Variants in DUOX1 observed in about 807,000 individuals in gnomAD.
DUOX1 encodes the protein dual oxidase 1.
Under a neutral mutation model 181.8 loss-of-function variants are expected in DUOX1, and 134 were observed. The observed-to-expected ratio is 0.74, with a 90% CI of 0.64 to 0.85. The LOEUF (loss-of-function observed/expected upper bound fraction) is 0.85, where lower values mean the gene tolerates loss of function less well. Among genes scored for constraint, DUOX1 ranks in the 40% least tolerant of loss-of-function variants. DUOX1 has a pLI of 0.00. For missense variants in DUOX1, 1,814 were observed against 2,064.4 expected (o/e 0.88, Z 2.35); for synonymous variants, 798 against 832.5 (o/e 0.96, Z 0.71).
chr15:45,156,142 G>C (rs1479217374), intron 28 of DUOX1, among the ~76,000 whole-genome samples: 1 of 152,188 alleles, frequency 6.6e-6, no homozygotes, highest in Non-Finnish European at 1.5e-5. Flanking sequence ...TCCCTGGCAT[G>C]GGTTTTGCAG....
rs149290661 is a variant in DUOX1, at chr15:45,141,006, G to A, written c.1501G>A (p.Val501Ile). Residue 501 changes from valine (V) to isoleucine (I), a missense_variant, in exon 13 of 34, where the codon GTC becomes ATC. Coordinates refer to ENST00000389037, the MANE Select transcript of DUOX1 (RefSeq NM_175940.3). Reference sequence around the variant, plus strand: ...CCCTGGACCTCTGTTCAGCACCATCGTCCTTGAACAATTTGTGCGGCTACG... The same window carrying A: ...CCCTGGACCTCTGTTCAGCACCATCATCCTTGAACAATTTGTGCGGCTACG... Reference protein sequence around the residue: ...RDPGPLFSTIVLEQFVRLRDG... With the variant: ...RDPGPLFSTIILEQFVRLRDG... The A allele has an allele frequency of 6.2e-6, 10 of 1,614,166 alleles. No homozygotes were observed. Among genetic ancestry groups the A allele is most frequent in the Non-Finnish European group, 7.6e-6 (9 of 1,180,024 alleles).
chr15:45,132,660 T>C (rs553949328), intron 2 of DUOX1, among the ~76,000 whole-genome samples: 2 of 152,288 alleles, frequency 1.3e-5, no homozygotes, highest in South Asian at 2.1e-4. Flanking sequence ...GAAGGATCTG[T>C]CCTGGCTGGA....
At chr15:45,159,950 G>A (rs1625045) in intron 28 of DUOX1, among the ~76,000 whole-genome samples, 11 of 152,120 alleles carry the variant, frequency 7.2e-5, no homozygotes, top group Non-Finnish European at 1.0e-4. Flanking sequence ...AGGTCAGTTC[G>A]AGACCAGCCT....
intron 31 of DUOX1, among the ~76,000 whole-genome samples, chr15:45,163,278 A>C (rs1239930785): frequency 2.0e-5 from 3 of 152,098 alleles, no homozygotes; most frequent in Non-Finnish European, 4.4e-5. Context: ...CACCCCACAG[A>C]CCATCAGCTC....
Position 45,165,230 on chromosome 15 carries a change from T to A in DUOX1, c.*329T>A, listed in dbSNP as rs1897199488. The A allele has an allele frequency of 2.6e-6, 1 of 379,884 alleles. No homozygotes were observed. 23.5% of individuals were successfully genotyped at this position (379,884 alleles called of 1,614,324 possible). On this transcript the variant is annotated 3_prime_UTR_variant, in exon 34 of 34. Coordinates refer to ENST00000389037, the MANE Select transcript of DUOX1 (RefSeq NM_175940.3). ...ACAAGCTGACCTGACAAGTACTATG[T>A]GTGTGCATGTCTGTATGTGTGTTGG...
intron 29 of DUOX1, 22 bp from the exon 30 acceptor site, chr15:45,161,716 C>T (rs758187802): frequency 6.2e-7 from 1 of 1,609,218 alleles, no homozygotes; most frequent in South Asian, 1.1e-5. Flanking sequence ...GCAGCAGCTT[C>T]TCACCCACCA....
chr15:45,153,615 G>T lies in DUOX1; in HGVS notation c.3524+136G>T, dbSNP rs1896887943. On this transcript the variant is annotated intron_variant, in intron 26 of 33. Coordinates refer to ENST00000389037, the MANE Select transcript of DUOX1 (RefSeq NM_175940.3). ...CTCCAGAGGAGACTGTCACCTTCTA[G>T]GTTACAGGACAGACAGTGACCAGCC... 1.3e-5 allele frequency: 13 copies of T among 977,444 alleles called. No homozygotes were observed. In the South Asian group the frequency reaches 1.7e-4, roughly 13 times the overall value. 60.5% of individuals were successfully genotyped at this position (977,444 alleles called of 1,614,324 possible). A position where few individuals can be genotyped will look rare whatever the true frequency, so the allele number is the denominator to read the frequency against.
intron 23 of DUOX1, 139 bp from the exon 24 acceptor site, chr15:45,151,735 T>C: frequency 1.1e-6 from 1 of 894,126 alleles, no homozygotes; most frequent in East Asian, 2.5e-5. Flanking sequence ...TGAACCCTTC[T>C]TCCACAAGGG....
chr15:45,147,668 G>T lies in DUOX1; in HGVS notation c.2548+10G>T. ...GTGGTCTTCATGAAAGGTGAGGGAGGAGGGAATGATAGGAGAGGCTGGACA... is the reference window on the plus strand; with the variant it reads ...GTGGTCTTCATGAAAGGTGAGGGAGTAGGGAATGATAGGAGAGGCTGGACA... On this transcript the variant is annotated intron_variant, in intron 19 of 33. Coordinates refer to ENST00000389037, the MANE Select transcript of DUOX1 (RefSeq NM_175940.3). 1 of 1,614,080 alleles carries T rather than the reference G, an allele frequency of 6.2e-7. No homozygotes were observed. Among genetic ancestry groups the T allele is most frequent in the South Asian group, 1.1e-5 (1 of 91,012 alleles).
chr15:45,162,497 G>A, intron 31 of DUOX1, 120 bp downstream of exon 31: 6 of 1,366,286 alleles, frequency 4.4e-6, no homozygotes, highest in Non-Finnish European at 5.9e-6. Context: ...GGGGCAAGTT[G>A]GTTTGAAACC....
At chr15:45,137,360 C>CAAAAAAAAAAAAAAA (rs748162336) in intron 9 of DUOX1, among the ~76,000 whole-genome samples, 1 of 46,472 alleles carries the variant, frequency 2.2e-5, no homozygotes, top group Non-Finnish European at 3.6e-5. Flanking sequence ...AACTCCATCT[C>CAAAAAAAAAAAAAAA]AAAAAAAAAA....
chr15:45,151,168 G>C lies in DUOX1; in HGVS notation c.2934G>C (p.Glu978Asp). The C allele has an allele frequency of 1.9e-6, 3 of 1,614,192 alleles. No homozygotes were observed. The highest frequency in any genetic ancestry group is 1.7e-6 in the Non-Finnish European group (2 of 1,180,038). Residue 978 changes from glutamate (E) to aspartate (D), a missense_variant, in exon 23 of 34, where the codon GAG (glutamate) becomes GAC (aspartate). Around this residue, in one of 5 missense-constraint regions of DUOX1, gnomAD observed 1,064 missense variants for 1,152.9 expected, o/e 0.92. Coordinates refer to ENST00000389037, the MANE Select transcript of DUOX1 (RefSeq NM_175940.3). The stretch of plus-strand genomic sequence containing the variant: ...CCCGCTGTTCCCGCAGCGACATTGA[G>C]ACTGAGTTGACACCTCAGAGACTGC... ...VSARCSRSDI[E>D]TELTPQRLQC...
Position 45,151,988 on chromosome 15 carries a change from C to T in DUOX1, c.3129C>T (p.Arg1043=). ...AGCGCTTCATTGAGAACTACCGGCG[C>T]CACATCGGCTGCGTGGCCGTGTTCT... ...QFKRFIENYR[R]HIGCVAVFYA... The change falls in exon 24 of 34, where the codon CGC becomes CGT. Residue 1043 remains arginine, a synonymous_variant. Transcript: ENST00000389037. The T allele has an allele frequency of 6.2e-7, 1 of 1,614,138 alleles. No individual in the cohort carries two copies. The highest frequency in any genetic ancestry group is 8.5e-7 in the Non-Finnish European group (1 of 1,180,024).
chr15:45,135,212 G>A lies in DUOX1; in HGVS notation c.416G>A (p.Arg139His), dbSNP rs370453129. The change falls in exon 5 of 34, where the codon CGC becomes CAC. Residue 139 changes from arginine (R) to histidine (H), a missense_variant. Physicochemically the swap from Arg to His is conservative, Grantham distance 29. Coordinates refer to ENST00000389037, the MANE Select transcript of DUOX1 (RefSeq NM_175940.3). ...GACCCCATGTTCGACCCCGACCAGC[G>A]CGGGGACGTGGTGCTGCCCTTCCAG... ...PGDPMFDPDQ[R>H]GDVVLPFQRS... is the part of the protein sequence containing the mutation. 1.9e-6 allele frequency: 3 copies of A among 1,613,634 alleles called. No homozygotes were observed. The highest frequency in any genetic ancestry group is 3.3e-5 in the Admixed American group (2 of 60,008).
At chr15:45,132,898 A>G (rs1454081672) in intron 2 of DUOX1, among the ~76,000 whole-genome samples, 1 of 23,794 alleles carries the variant, frequency 4.2e-5, no homozygotes, top group East Asian at 1.3e-3. Flanking sequence ...GGCCCTGCCC[A>G]AAGTCTTGAA....
At chr15:45,143,351 C>T (rs372041230) in intron 16 of DUOX1, 48 bp downstream of exon 16, 42 of 1,481,646 alleles carry the variant, frequency 2.8e-5, no homozygotes, top group African/African-American at 6.9e-5. Context: ...CATGGCTCAG[C>T]GCTACAGCTA....
Position 45,141,205 on chromosome 15 carries a change from C to CT in DUOX1, c.1566-83dup. On this transcript the variant is annotated intron_variant, in intron 13 of 33. Coordinates refer to ENST00000389037, the MANE Select transcript of DUOX1 (RefSeq NM_175940.3). ...CCCACTTCCCAACACCTCTGGGTCTCTTTTCTCACCTGGGTCCTTGGGCCT... is the reference window on the plus strand; with the variant it reads ...CCCACTTCCCAACACCTCTGGGTCTCTTTTTCTCACCTGGGTCCTTGGGCCT... 11 of 1,572,412 alleles carry CT rather than the reference C, an allele frequency of 7.0e-6. No homozygotes were observed. The South Asian group carries it at 1.1e-4, about 16-fold the overall frequency.
chr15:45,141,363 A>G lies in DUOX1; in HGVS notation c.1637A>G (p.Asn546Ser). 2.5e-6 allele frequency: 4 copies of G among 1,614,254 alleles called. No individual in the cohort carries two copies. The highest frequency in any genetic ancestry group is 3.4e-6 in the Non-Finnish European group (4 of 1,180,050). ...TLQDVLVAVI[N>S]IDPSALQPNV... is the part of the protein sequence containing the mutation. ...CAGGACGTGCTGGTCGCTGTTATCA[A>G]CATTGACCCCAGTGCTCTGCAGCCC... Residue 546 changes from asparagine to serine, a missense_variant, in exon 14 of 34, where the codon AAC (asparagine) becomes AGC (serine). Asn to Ser is a conservative substitution (Grantham distance 46). This residue lies in a region of DUOX1 where 1,064 missense variants were observed against 1,152.9 expected (regional missense o/e 0.92). Coordinates refer to ENST00000389037, the MANE Select transcript of DUOX1 (RefSeq NM_175940.3).
At position 45,147,924 on chromosome 15, in the gene DUOX1, C is replaced by T. The variant is rs754223803; in HGVS notation, c.2569C>T (p.Arg857Cys). The T allele has an allele frequency of 1.2e-5, 20 of 1,613,920 alleles. No homozygotes were observed. Among genetic ancestry groups the T allele is most frequent in the Non-Finnish European group, 1.4e-5 (16 of 1,179,918 alleles). The change falls in exon 20 of 34, where the codon CGC becomes TGC. Residue 857 changes from arginine to cysteine, a missense_variant. Physicochemically the swap from Arg to Cys is radical, Grantham distance 180. Coordinates refer to ENST00000389037, the MANE Select transcript of DUOX1 (RefSeq NM_175940.3). ...FMKGSPEEKS[R>C]LMFRMYDFDG... The stretch of plus-strand genomic sequence containing the variant: ...CCCAGGCTCTCCTGAGGAAAAGTCT[C>T]GCCTTATGTTCCGCATGTACGACTT...
Sources: gnomAD v4.1 joint callset for allele counts (sites outside exome capture counted in the v4.1 genomes callset) on GRCh38, gnomAD v4.1.1 for gene constraint, gnomAD v4.1.1 regional missense constraint, MANE v1.5 for transcripts, NCBI Gene and HGNC (gene_info 2026-07-23, HGNC 2026-07-21) for gene names.